NRDC: variants seen among roughly 807,000 people sequenced by gnomAD.
NRDC encodes the protein nardilysin.
A neutral mutation model predicts 147.1 loss-of-function variants in NRDC; 54 were observed. The observed-to-expected ratio is 0.37, with a 90% CI of 0.29 to 0.46. The LOEUF (loss-of-function observed/expected upper bound fraction) is 0.46, where lower values mean the gene tolerates loss of function less well. Ranked by LOEUF, NRDC falls within the 20% of genes least tolerant of loss-of-function variation. NRDC has a pLI of 1.00. For missense variants in NRDC, 1,082 were observed against 1,370.6 expected (o/e 0.79, Z 3.33); for synonymous variants, 440 against 482.1 (o/e 0.91, Z 1.14).
At chr1:51,850,785 C>G (rs1176395031) in intron 1 of NRDC, among the ~76,000 whole-genome samples, 1 of 152,158 alleles carries the variant, frequency 6.6e-6, no homozygotes, top group Non-Finnish European at 1.5e-5. Context: ...TTTACCCCTG[C>G]CTTTAAAAAC....
chr1:51,844,403 T>A (rs1208009569), intron 1 of NRDC, among the ~76,000 whole-genome samples: 1 of 151,936 alleles, frequency 6.6e-6, no homozygotes, highest in Non-Finnish European at 1.5e-5. Context: ...GGAAACACGA[T>A]GGTACACCAG....
intron 22 of NRDC, among the ~76,000 whole-genome samples, chr1:51,796,054 T>A (rs527890258): frequency 1.8e-4 from 27 of 152,118 alleles, no homozygotes; most frequent in East Asian, 1.2e-3. Flanking sequence ...TAATTTTTTT[T>A]AATTTTTTTG....
chr1:51,790,711 C>A, intron 28 of NRDC, 62 bp from the exon 29 acceptor site: 1 of 1,232,854 alleles, frequency 8.1e-7, no homozygotes, highest in Non-Finnish European at 1.2e-6. Flanking sequence ...ACAGAACACA[C>A]TGGGCCCTGT....
chr1:51,859,183 A>G (rs918112634), intron 1 of NRDC, among the ~76,000 whole-genome samples: 4 of 152,258 alleles, frequency 2.6e-5, no homozygotes, highest in African/African-American at 9.6e-5. Context: ...TGAATGGGGA[A>G]AAGAAAAACT....
Position 51,816,439 on chromosome 1 carries a change from C to T in NRDC, c.1362-50G>A, listed in dbSNP as rs1679970703. ...AAGAAAAAAACAAAAGGTATAAATA[C>T]ACCAGAAAATCTTACCTCTAAGGCT... On this transcript the variant is annotated intron_variant, in intron 10 of 30. Transcript: ENST00000352171. 5 of 1,059,546 alleles carry T rather than the reference C, an allele frequency of 4.7e-6. No homozygotes were observed. The East Asian group carries it at 1.3e-4, about 28-fold the overall frequency. 65.6% of individuals were successfully genotyped at this position (1,059,546 alleles called of 1,614,324 possible). A position where few individuals can be genotyped will look rare whatever the true frequency, so the allele number is the denominator to read the frequency against.
At chr1:51,860,419 C>A (rs1682471891) in intron 1 of NRDC, among the ~76,000 whole-genome samples, 1 of 152,172 alleles carries the variant, frequency 6.6e-6, no homozygotes, top group African/African-American at 2.4e-5. Context: ...TTATGTCTAT[C>A]ATTCACACTC....
intron 2 of NRDC, chr1:51,837,496 G>T (rs1207355954): frequency 6.3e-7 from 1 of 1,586,030 alleles, no homozygotes; most frequent in Non-Finnish European, 8.6e-7. Flanking sequence ...CCTGCTTTCA[G>T]CTCCAACTAC....
chr1:51,866,535 T>C (rs1210794291), intron 1 of NRDC, among the ~76,000 whole-genome samples: 3 of 152,158 alleles, frequency 2.0e-5, no homozygotes, highest in Admixed American at 6.5e-5. Context: ...AATTGTGGCA[T>C]AGTCATAAAA....
chr1:51,837,735 C>A, intron 2 of NRDC: 1 of 730,762 alleles, frequency 1.4e-6, no homozygotes, highest in Non-Finnish European at 1.9e-6. Flanking sequence ...CAATGTATAT[C>A]ATATTCAAAT....
At chr1:51,870,589 A>T (rs1276002381) in intron 1 of NRDC, among the ~76,000 whole-genome samples, 2 of 152,080 alleles carry the variant, frequency 1.3e-5, no homozygotes, top group Non-Finnish European at 2.9e-5. Context: ...TTCAATGACT[A>T]CTTTACAAAT....
At chr1:51,790,772 A>G (rs1185138586) in intron 28 of NRDC, 123 bp from the exon 29 acceptor site, 1 of 952,468 alleles carries the variant, frequency 1.0e-6, no homozygotes, top group Non-Finnish European at 1.7e-6. Context: ...GGATGAAGCT[A>G]GGGAGACACT....
chr1:51,870,569 C>T (rs1683033355), intron 1 of NRDC, among the ~76,000 whole-genome samples: 1 of 152,156 alleles, frequency 6.6e-6, no homozygotes, highest in Non-Finnish European at 1.5e-5. Flanking sequence ...AGAGGACCAC[C>T]TAAGTACATT....
Position 51,878,428 on chromosome 1 carries a change from G to A in NRDC, c.188C>T (p.Pro63Leu). The A allele has an allele frequency of 6.2e-7, 1 of 1,614,098 alleles. No individual in the cohort carries two copies. The highest frequency in any genetic ancestry group is 8.5e-7 in the Non-Finnish European group (1 of 1,180,038). The change falls in exon 1 of 31, where the codon CCT (proline) becomes CTT (leucine). Residue 63 changes from proline (P) to leucine (L), a missense_variant. Pro to Leu is a moderately conservative substitution (Grantham distance 98). This residue lies in a region of NRDC where 260 missense variants were observed against 253.2 expected (regional missense o/e 1.03). Transcript: ENST00000352171. Reference protein sequence around the residue: ...RNKAKSTCSCPDLQPNGQDLG... With the variant: ...RNKAKSTCSCLDLQPNGQDLG... ...ATCCTGTCCATTGGGCTGCAGGTCA[G>A]GGCAGCTGCAGGTAGACTTCGCCTT...
At chr1:51,821,452 C>A in intron 8 of NRDC, 46 bp downstream of exon 8, 2 of 1,316,788 alleles carry the variant, frequency 1.5e-6, no homozygotes, top group South Asian at 2.5e-5. Context: ...AGATAATGGT[C>A]TCTTTAACTC....
intron 1 of NRDC, among the ~76,000 whole-genome samples, chr1:51,853,226 T>A (rs12082339): frequency 0.24 from 35,288 of 148,676 alleles, 4,913 homozygotes; most frequent in South Asian, 0.36. Context: ...CAAAAAAAAA[T>A]ATATATATAT....
At chr1:51,872,323 A>G (rs913644680) in intron 1 of NRDC, among the ~76,000 whole-genome samples, 2 of 152,082 alleles carry the variant, frequency 1.3e-5, no homozygotes, top group African/African-American at 2.4e-5. Flanking sequence ...TTATTTTCCT[A>G]AAACACACAG....
intron 21 of NRDC, among the ~76,000 whole-genome samples, chr1:51,799,336 T>A (rs1679079059): frequency 6.6e-6 from 1 of 151,844 alleles, no homozygotes; most frequent in Non-Finnish European, 1.5e-5. Flanking sequence ...CCTAACACTA[T>A]CCCTCCCCCA....
At chr1:51,800,471 T>A (rs1679142236) in intron 21 of NRDC, 85 bp downstream of exon 21, 2 of 1,455,190 alleles carry the variant, frequency 1.4e-6, no homozygotes, top group South Asian at 2.5e-5. Flanking sequence ...GCACTGCAAC[T>A]ATAGCCTTAA....
chr1:51,868,721 A>C (rs778006403), intron 1 of NRDC, among the ~76,000 whole-genome samples: 1 of 151,932 alleles, frequency 6.6e-6, no homozygotes, highest in Non-Finnish European at 1.5e-5. Flanking sequence ...TCTCTACAAA[A>C]ATTAGCCAGG....
Sources: gnomAD v4.1 joint callset for allele counts (sites outside exome capture counted in the v4.1 genomes callset) on GRCh38, gnomAD v4.1.1 for gene constraint, gnomAD v4.1.1 regional missense constraint, MANE v1.5 for transcripts, NCBI Gene and HGNC (gene_info 2026-07-23, HGNC 2026-07-21) for gene names.